The following SOX5 variants were observed in gnomAD, a reference collection of about 807,000 sequenced individuals.
The protein encoded by SOX5 is SRY-box transcription factor 5.
SOX5 carries 9 observed loss-of-function variants against 92.0 expected under a neutral mutation model. The ratio of observed to expected loss-of-function variants is 0.10; its 90% confidence interval spans 0.06 to 0.17. The LOEUF is 0.17. Among genes scored for constraint, SOX5 ranks in the 10% least tolerant of loss-of-function variants. The probability of loss-of-function intolerance (pLI) is 1.00; values close to 1 mark genes in which losing one functional copy is unlikely to be tolerated. For synonymous variants in SOX5, 344 were observed against 336.3 expected (o/e 1.02, Z -0.25); for missense variants, 642 against 944.5 (o/e 0.68, Z 4.20).
chr12:24,170,421 G>C (rs948474323), intron 4 of SOX5, among the ~76,000 whole-genome samples: 1 of 152,118 alleles, frequency 6.6e-6, no homozygotes, highest in Non-Finnish European at 1.5e-5. Flanking sequence ...CAGGAGTAAG[G>C]GCAGAAGTCA....
intron 6 of SOX5, among the ~76,000 whole-genome samples, chr12:23,681,061 T>C (rs914537552): frequency 6.6e-6 from 1 of 152,032 alleles, no homozygotes; most frequent in Non-Finnish European, 1.5e-5. Flanking sequence ...AATACAAATA[T>C]ACTTTGTATT....
chr12:24,392,465 G>C (rs1341552917), intron 1 of SOX5, among the ~76,000 whole-genome samples: 1 of 151,918 alleles, frequency 6.6e-6, no homozygotes, highest in African/African-American at 2.4e-5. Context: ...TCTCTTCTGG[G>C]TTTTTGTCTG....
At chr12:23,587,834 G>A (rs1346236780) in intron 9 of SOX5, among the ~76,000 whole-genome samples, 1 of 152,066 alleles carries the variant, frequency 6.6e-6, no homozygotes, top group Non-Finnish European at 1.5e-5. Flanking sequence ...ATTGAAAGAA[G>A]TGAAGGAGAG....
At chr12:24,407,402 G>A (rs1440586508) in intron 1 of SOX5, 1 of 152,080 alleles carries the variant, frequency 6.6e-6, no homozygotes, top group Non-Finnish European at 1.5e-5. Context: ...TTAAGCAGAG[G>A]GTCCGAACAG....
chr12:23,655,437 C>A (rs548397051), intron 7 of SOX5, among the ~76,000 whole-genome samples: 33 of 152,136 alleles, frequency 2.2e-4, no homozygotes, highest in African/African-American at 7.9e-4. Context: ...TGAATGGTCC[C>A]GAGAAAATTC....
chr12:24,386,306 A>C (rs1398960468), intron 1 of SOX5, among the ~76,000 whole-genome samples: 1 of 152,166 alleles, frequency 6.6e-6, no homozygotes, highest in Admixed American at 6.5e-5. Flanking sequence ...TCACGTCATC[A>C]CTATCATCAT....
At chr12:24,278,737 C>G (rs909719193) in intron 2 of SOX5, among the ~76,000 whole-genome samples, 1 of 151,918 alleles carries the variant, frequency 6.6e-6, no homozygotes, top group South Asian at 2.1e-4. Flanking sequence ...AAAAGCCAAC[C>G]AAAACAACAA....
intron 8 of SOX5, among the ~76,000 whole-genome samples, chr12:23,611,758 G>A (rs2075991251): frequency 6.6e-6 from 1 of 152,030 alleles, no homozygotes; most frequent in South Asian, 2.1e-4. Flanking sequence ...ATTAGGAGAT[G>A]GAGATATTTC....
At chr12:23,543,578 G>GTATT (rs1942535691) in intron 12 of SOX5, among the ~76,000 whole-genome samples, 194 bp from the exon 13 acceptor site, 1 of 152,110 alleles carries the variant, frequency 6.6e-6, no homozygotes, top group Non-Finnish European at 1.5e-5. Flanking sequence ...TGTTATATTT[G>GTATT]TATTTTTAAC....
chr12:24,320,238 G>T (rs900368425), intron 2 of SOX5, among the ~76,000 whole-genome samples: 17 of 152,212 alleles, frequency 1.1e-4, no homozygotes, highest in Admixed American at 1.0e-3. Context: ...AATCGAGTTA[G>T]AAATTGTTTT....
chr12:24,552,424 T>C (rs984661362), intron 1 of SOX5, among the ~76,000 whole-genome samples: 7 of 152,202 alleles, frequency 4.6e-5, no homozygotes, highest in African/African-American at 1.7e-4. Context: ...GTTACAGCAC[T>C]ACACCTACAG....
chr12:23,760,072 A>G (rs922188147), intron 3 of SOX5, among the ~76,000 whole-genome samples: 6 of 152,086 alleles, frequency 3.9e-5, no homozygotes, highest in African/African-American at 1.4e-4. Context: ...CTGAGAGTTC[A>G]TTCTCCCAAG....
chr12:24,164,981 T>C (rs928449730), intron 4 of SOX5, among the ~76,000 whole-genome samples: 1 of 152,044 alleles, frequency 6.6e-6, no homozygotes, highest in Admixed American at 6.6e-5. Flanking sequence ...ATAAAGTATG[T>C]TTAAAGGCAT....
rs75167924 is a variant in SOX5 at position 24,036,454 on chromosome 12, G to T, written c.-1-140430C>A. Among the ~76,000 whole-genome samples, 899 of 152,224 alleles carry T rather than the reference G, an allele frequency of 5.9e-3. 11 individuals carry two copies. The highest frequency in any genetic ancestry group is 0.031 in the South Asian group (150 of 4,818). On this transcript the variant is annotated intron_variant, in intron 4 of 4. Transcript: ENST00000446891. ...GAAGGTATACAGGGTTGATTTTCAAGGTAACTGATATTTCTCTTGAGAACC... is the reference window on the plus strand; with the variant it reads ...GAAGGTATACAGGGTTGATTTTCAATGTAACTGATATTTCTCTTGAGAACC...
intron 1 of SOX5, among the ~76,000 whole-genome samples, chr12:24,482,786 TAATG>T (rs1946139253): frequency 6.6e-6 from 1 of 152,192 alleles, no homozygotes; most frequent in Non-Finnish European, 1.5e-5. Context: ...AAATGTGGAT[TAATG>T]AAACACTATG....
chr12:23,692,778 C>A lies in SOX5; in HGVS notation c.811-27214G>T, dbSNP rs1482186706. On this transcript the variant is annotated intron_variant, in intron 6 of 14. Transcript: ENST00000451604. ...TTTTTCCACAACAGTGGCTGTTTCA[C>A]AATTTCTCGCTGTGGTTATGTCACT... Among the ~76,000 whole-genome samples, 3 of 152,174 alleles carry A rather than the reference C, an allele frequency of 2.0e-5. No homozygotes were observed. The East Asian group carries it at 5.8e-4, about 29-fold the overall frequency.
At chr12:23,591,753 A>G (rs1951592099) in intron 9 of SOX5, among the ~76,000 whole-genome samples, 1 of 152,144 alleles carries the variant, frequency 6.6e-6, no homozygotes. Context: ...AGAGTTGCAT[A>G]GAGAAGTATA....
At chr12:24,496,910 C>T (rs1424643483) in intron 1 of SOX5, among the ~76,000 whole-genome samples, 1 of 152,150 alleles carries the variant, frequency 6.6e-6, no homozygotes, top group East Asian at 1.9e-4. Context: ...AGAACAAAAG[C>T]TCATCTCCCC....
intron 3 of SOX5, among the ~76,000 whole-genome samples, chr12:23,832,595 A>T (rs1373865922): frequency 6.6e-6 from 1 of 152,048 alleles, no homozygotes; most frequent in Non-Finnish European, 1.5e-5. Context: ...TACAATTCCA[A>T]GTTGTTTATA....
Sources: allele counts gnomAD v4.1 joint callset (sites outside exome capture counted in the v4.1 genomes callset), GRCh38; gene constraint gnomAD v4.1.1; transcripts MANE v1.5; gene names NCBI Gene and HGNC (gene_info 2026-07-23, HGNC 2026-07-21).